The following DDX25 variants were observed in gnomAD, a reference collection of about 807,000 sequenced individuals.
DDX25 encodes ATP-dependent RNA helicase DDX25.
In DDX25, 70 loss-of-function variants were observed where a neutral mutation model predicts 64.6. The ratio of observed to expected loss-of-function variants is 1.08; its 90% CI spans 0.89 to 1.32. The LOEUF is 1.32. Ranked by LOEUF, DDX25 falls within the 40% of genes most tolerant of loss-of-function variation. The pLI is 0.00. For synonymous variants in DDX25, 211 were observed against 213.3 expected (o/e 0.99, Z 0.09); for missense variants, 587 against 604.4 (o/e 0.97, Z 0.30).
rs1454622724 is a variant in DDX25 at position 125,905,241 on chromosome 11, C to T, written c.93C>T (p.Asn31=). 1 of 1,551,502 alleles carries T rather than the reference C, an allele frequency of 6.4e-7. No individual in the cohort carries two copies. The highest frequency in any genetic ancestry group is 8.7e-7 in the Non-Finnish European group (1 of 1,146,988). ...CAAACCTCAGCCAACCCCGGAAGAA[C>T]CTTTGGGGTATTAAGAGTACTGCAG... ...HFSNLSQPRK[N]LWGIKSTAVR... is the part of the protein sequence containing the mutation. The change falls in exon 2 of 12, where the codon AAC becomes AAT. Residue 31 remains asparagine, a synonymous_variant. Coordinates refer to ENST00000263576, the MANE Select transcript of DDX25 (RefSeq NM_013264.5).
chr11:125,914,200 C>T (rs1216922114), intron 8 of DDX25, among the ~76,000 whole-genome samples: 2 of 152,224 alleles, frequency 1.3e-5, no homozygotes, highest in Non-Finnish European at 2.9e-5. Context: ...ACTTGGCTAG[C>T]CTTTCATGAT....
At chr11:125,922,014 C>G (rs1277935323) in intron 11 of DDX25, 1 of 152,218 alleles carries the variant, frequency 6.6e-6, no homozygotes, top group Non-Finnish European at 1.5e-5. Flanking sequence ...ATTCCCTAAG[C>G]AAAGTAGTAA....
intron 6 of DDX25, among the ~76,000 whole-genome samples, chr11:125,909,549 T>C (rs1205876292): frequency 1.3e-5 from 2 of 152,036 alleles, no homozygotes; most frequent in Non-Finnish European, 2.9e-5. Flanking sequence ...ATTCTGCCTA[T>C]TATGTATTAT....
At chr11:125,904,403 G>GCGCGGA (rs983355731), upstream of DDX25, 31 of 1,036,198 alleles carry the variant, frequency 3.0e-5, no homozygotes, top group African/African-American at 4.0e-4. Flanking sequence ...GTGGTCGCGG[G>GCGCGGA]CGCGGACGCG....
At position 125,911,508 on chromosome 11, in the gene DDX25, T is replaced by C. The variant is rs113884081; in HGVS notation, c.800+20T>C. ...TCAAAGGTAATCTTCAGAGTCTTCC[T>C]CTCTTCCTCAGCCTTCTGTCCAGAT... On this transcript the variant is annotated intron_variant, in intron 8 of 11. Transcript: ENST00000263576. 7.2e-3 allele frequency: 11,559 copies of C among 1,607,888 alleles called. 48 individuals are homozygous for C. The highest frequency in any genetic ancestry group is 9.1e-3 in the Non-Finnish European group (10,675 of 1,176,900).
At chr11:125,913,233 C>G (rs1944990056) in intron 8 of DDX25, among the ~76,000 whole-genome samples, 1 of 151,330 alleles carries the variant, frequency 6.6e-6, no homozygotes, top group African/African-American at 2.4e-5. Flanking sequence ...CAGCTTCAGT[C>G]TGGTAGATCT....
At chr11:125,917,795 C>T (rs1251292984) in intron 9 of DDX25, among the ~76,000 whole-genome samples, 2 of 152,202 alleles carry the variant, frequency 1.3e-5, no homozygotes, top group Non-Finnish European at 2.9e-5. Context: ...TCAGCTCTGC[C>T]ACTGGCTAAC....
At position 125,918,707 on chromosome 11, in the gene DDX25, C is replaced by T. The variant is rs1468309885; in HGVS notation, c.1118C>T (p.Thr373Ile). Residue 373 changes from threonine (T) to isoleucine (I), a missense_variant, in exon 10 of 12, where the codon ACC becomes ATC. Thr to Ile is a moderately conservative substitution (Grantham distance 89). Transcript: ENST00000263576. ...GTGTCTTTGTTAAGCGGGGAGCTGA[C>T]CGTGGAGCAGCGAGCTTCCATCATT... Reference protein sequence around the residue: ...HQVSLLSGELTVEQRASIIQR... With the variant: ...HQVSLLSGELIVEQRASIIQR... 6.8e-6 allele frequency: 11 copies of T among 1,613,810 alleles called. No individual in the cohort carries two copies. The highest frequency in any genetic ancestry group is 9.3e-6 in the Non-Finnish European group (11 of 1,179,842).
At chr11:125,916,439 T>G (rs1259920008) in intron 8 of DDX25, among the ~76,000 whole-genome samples, 1 of 152,192 alleles carries the variant, frequency 6.6e-6, no homozygotes, top group Non-Finnish European at 1.5e-5. Context: ...AACTGCTAAC[T>G]CCGCAGATTT....
Position 125,921,522 on chromosome 11 carries a change from C to G in DDX25, c.1390+143C>G. 1.1e-6 allele frequency: 1 copy of G among 874,324 alleles called. No homozygotes were observed. The highest frequency in any genetic ancestry group is 1.7e-6 in the Non-Finnish European group (1 of 588,918). The allele number at this position is 874,324 out of a possible 1,614,324, so 54.2% of individuals were successfully genotyped here. On this transcript the variant is annotated intron_variant, in intron 11 of 11. Transcript: ENST00000263576. This position sits in a 1 kb window ranked among gnomAD's most constrained non-coding sequence, Gnocchi z 4.1. Reference sequence around the variant, plus strand: ...CTGGAAGGCTTCTAATTCACAGGACCAGGGTTCTAATATGAGACAGATGAT... The same window carrying G: ...CTGGAAGGCTTCTAATTCACAGGACGAGGGTTCTAATATGAGACAGATGAT...
rs1436099910 is a variant in DDX25, at chr11:125,922,821, C to T, written c.1392C>T (p.Asn464=). Residue 464 remains asparagine, a splice_region_variant and synonymous_variant, in exon 12 of 12, where the codon AAC becomes AAT. Transcript: ENST00000263576. ...PSLMKIQDHF[N]SSIKQLNAED... is the part of the protein sequence containing the mutation. ...TTCTGTTCTCTTTTGTTCTTTTAGA[C>T]AGCAGTATTAAGCAACTCAACGCTG... is the stretch of plus-strand genomic sequence containing the variant. The T allele has an allele frequency of 3.7e-6, 6 of 1,607,190 alleles. No homozygotes were observed. The African/African-American group carries it at 8.0e-5, about 21-fold the overall frequency.
At position 125,905,288 on chromosome 11, in the gene DDX25, G is replaced by A. The variant is rs1338859871; in HGVS notation, c.130+10G>A. On this transcript the variant is annotated intron_variant, in intron 2 of 11. Transcript: ENST00000263576. ...GCAGTCCGAAACATAGGTGAGTGCTGTTAGGGCAAAGCAGAGCGACCTCAA... is the reference window on the plus strand; with the variant it reads ...GCAGTCCGAAACATAGGTGAGTGCTATTAGGGCAAAGCAGAGCGACCTCAA... The A allele has an allele frequency of 1.2e-5, 19 of 1,551,632 alleles. No individual in the cohort carries two copies. In the East Asian group the frequency reaches 4.6e-4, roughly 38 times the overall value.
At chr11:125,903,636 G>C (rs899926951), upstream of DDX25, among the ~76,000 whole-genome samples, 1 of 151,980 alleles carries the variant, frequency 6.6e-6, no homozygotes, top group Non-Finnish European at 1.5e-5. Context: ...AGAGCGGGGA[G>C]CGTTGCTTCA....
rs756266100 is a variant in DDX25 at position 125,908,238 on chromosome 11, T to C, written c.354T>C (p.Asn118=). The change falls in exon 5 of 12, where the codon AAT becomes AAC. Residue 118 remains asparagine, a synonymous_variant. Transcript: ENST00000263576. ...LLKGIYAMGF[N]RPSKIQEMAL... The stretch of plus-strand genomic sequence containing the variant: ...AAGGAATCTATGCAATGGGATTTAA[T>C]AGGCCATCTAAAATCCAAGAGATGG... The C allele has an allele frequency of 2.9e-5, 46 of 1,612,816 alleles. No individual in the cohort carries two copies. Among genetic ancestry groups the C allele is most frequent in the Non-Finnish European group, 3.8e-5 (45 of 1,179,334 alleles).
chr11:125,916,765 C>A (rs1168892440), intron 8 of DDX25, among the ~76,000 whole-genome samples: 2 of 152,218 alleles, frequency 1.3e-5, no homozygotes, highest in Non-Finnish European at 2.9e-5. Context: ...CATGAGAAAT[C>A]TCAGAACCTC....
At chr11:125,910,645 C>T (rs1471707005) in intron 7 of DDX25, among the ~76,000 whole-genome samples, 167 bp downstream of exon 7, 1 of 152,300 alleles carries the variant, frequency 6.6e-6, no homozygotes, top group Admixed American at 6.5e-5. Context: ...AAGCATTGTA[C>T]ACAATGCCTG....
At chr11:125,904,443 C>A, upstream of DDX25, 1 of 1,316,364 alleles carries the variant, frequency 7.6e-7, no homozygotes, top group Non-Finnish European at 9.8e-7. Flanking sequence ...AGCCCATTGG[C>A]CAGCGGATGG....
chr11:125,917,236 C>T lies in DDX25; in HGVS notation c.1023C>T (p.Ala341=). The change falls in exon 9 of 12, where the codon GCC becomes GCT. Residue 341 remains alanine (A), a synonymous_variant. Coordinates refer to ENST00000263576, the MANE Select transcript of DDX25 (RefSeq NM_013264.5). ...NIYGSITIGQ[A]IIFCQTRRNA... ...ATGGCAGCATCACCATTGGTCAGGCCATCATCTTCTGCCAGGTACACTCTG... is the reference window on the plus strand; with the variant it reads ...ATGGCAGCATCACCATTGGTCAGGCTATCATCTTCTGCCAGGTACACTCTG... 2 of 1,605,356 alleles carry T rather than the reference C, an allele frequency of 1.2e-6. No homozygotes were observed. Among genetic ancestry groups the T allele is most frequent in the Non-Finnish European group, 1.7e-6 (2 of 1,176,168 alleles).
At chr11:125,915,785 G>A (rs1280843819) in intron 8 of DDX25, among the ~76,000 whole-genome samples, 3 of 152,120 alleles carry the variant, frequency 2.0e-5, no homozygotes, top group African/African-American at 7.2e-5. Context: ...AGACCTCCCG[G>A]TGGTTCTGAG....
Sources: allele counts gnomAD v4.1 joint callset (sites outside exome capture counted in the v4.1 genomes callset), GRCh38; gene constraint gnomAD v4.1.1; non-coding constraint Gnocchi (gnomAD v3.1); transcripts MANE v1.5; gene names NCBI Gene and HGNC (gene_info 2026-07-23, HGNC 2026-07-21).